INTS7: variants seen among roughly 807,000 people sequenced by gnomAD.
The protein encoded by INTS7 is integrator complex subunit 7, also known as chromosome 1 open reading frame 73.
Under a neutral mutation model 109.2 loss-of-function variants are expected in INTS7, and 46 were observed. That is an observed-to-expected ratio of 0.42 (90% confidence interval 0.33 to 0.54). INTS7 has a LOEUF of 0.54. Among genes scored for constraint, INTS7 ranks in the 20% least tolerant of loss-of-function variants. INTS7 has a pLI of 0.07. For missense variants in INTS7, 929 were observed against 1,132.4 expected, an observed-to-expected ratio of 0.82 and a Z score of 2.58; for synonymous variants, 412 against 402.9, an observed-to-expected ratio of 1.02 and a Z score of -0.27.
intron 13 of INTS7, among the ~76,000 whole-genome samples, chr1:211,969,153 C>T (rs186486301): frequency 4.3e-4 from 65 of 151,848 alleles, no homozygotes; most frequent in Non-Finnish European, 8.0e-4. Context: ...GGCGTTGTGG[C>T]GGGTGCCTGT....
chr1:212,024,658 A>G (rs1196595023), intron 1 of INTS7, among the ~76,000 whole-genome samples: 12 of 152,264 alleles, frequency 7.9e-5, no homozygotes, highest in Admixed American at 7.8e-4. Context: ...TGGTATATCC[A>G]TACAATGAAC....
At chr1:211,945,958 A>T (rs1026487267) in intron 18 of INTS7, among the ~76,000 whole-genome samples, 1 of 152,224 alleles carries the variant, frequency 6.6e-6, no homozygotes, top group Non-Finnish European at 1.5e-5. Flanking sequence ...AGTTGGGTCT[A>T]TAAGTTGGGT....
Position 211,978,517 on chromosome 1 carries a change from C to A in INTS7, c.1231-6G>T, listed in dbSNP as rs376632821. ...ACCATACAGTTTAGAGCAATCTGCA[C>A]GCCAAAAAGAAAATGAACTAGTTAC... On this transcript the variant is annotated splice_polypyrimidine_tract_variant and splice_region_variant and intron_variant, in intron 10 of 19. Transcript: ENST00000366994. 6.2e-7 allele frequency: 1 copy of A among 1,613,414 alleles called. No individual in the cohort carries two copies. The highest frequency in any genetic ancestry group is 8.5e-7 in the Non-Finnish European group (1 of 1,179,664).
chr1:211,967,590 T>C (rs1279915311), intron 15 of INTS7, among the ~76,000 whole-genome samples: 1 of 152,160 alleles, frequency 6.6e-6, no homozygotes, highest in Non-Finnish European at 1.5e-5. Context: ...TGTTGTGTTG[T>C]CTGTTGTAGC....
chr1:211,978,140 T>C, intron 11 of INTS7, 132 bp downstream of exon 11: 1 of 1,031,410 alleles, frequency 9.7e-7, no homozygotes, highest in South Asian at 1.5e-5. Flanking sequence ...CACTCTTTGG[T>C]CTTAGGTAAT....
At position 211,944,831 on chromosome 1, in the gene INTS7, G is replaced by A. The variant is rs773335749; in HGVS notation, c.2554C>T (p.Leu852=). The A allele has an allele frequency of 6.2e-7, 1 of 1,614,102 alleles. No individual in the cohort carries two copies. The highest frequency in any genetic ancestry group is 2.2e-5 in the East Asian group (1 of 44,884). Residue 852 remains leucine, a synonymous_variant, in exon 19 of 20, where the codon CTG becomes TTG. Transcript: ENST00000366994. ...CTCTGCAGTGTGGAAGAAACATTCA[G>A]ACAGACAGACTGAATTTTGCGGAAG... is the stretch of plus-strand genomic sequence containing the variant. The part of the protein sequence containing the change: ...GLFRKIQSVC[L]NVSSTLQSKS...
chr1:211,987,734 A>C (rs1032813659), intron 8 of INTS7, 152 bp downstream of exon 8: 6 of 430,036 alleles, frequency 1.4e-5, no homozygotes, highest in Non-Finnish European at 2.1e-5. Flanking sequence ...GCATTAGTTA[A>C]GAAATCATGT....
intron 18 of INTS7, among the ~76,000 whole-genome samples, chr1:211,945,975 A>AAGTTGG (rs1662829378): frequency 6.6e-6 from 1 of 152,248 alleles, no homozygotes; most frequent in South Asian, 2.1e-4. Context: ...GGGTCTGAAT[A>AAGTTGG]GACTCAGCTC....
rs749976973 is a variant in INTS7 at position 211,978,412 on chromosome 1, C to T, written c.1330G>A (p.Ala444Thr). The change falls in exon 11 of 20, where the codon GCT (alanine) becomes ACT (threonine). Residue 444 changes from alanine (A) to threonine (T), a missense_variant. Ala to Thr is a moderately conservative substitution (Grantham distance 58). Transcript: ENST00000366994. ...CAATGGCACATCAAAATCCGGGCAG[C>T]GTCTTGAGCACTGTGCAATTGAGTC... is the stretch of plus-strand genomic sequence containing the variant. ...LLTQLHSAQD[A>T]ARILMCHCLA... The T allele has an allele frequency of 1.2e-5, 19 of 1,614,072 alleles. No individual in the cohort carries two copies. Among genetic ancestry groups the T allele is most frequent in the African/African-American group, 9.3e-5 (7 of 74,936 alleles).
intron 1 of INTS7, among the ~76,000 whole-genome samples, chr1:212,032,678 A>C (rs1002642759): frequency 6.6e-6 from 1 of 151,864 alleles, no homozygotes; most frequent in Non-Finnish European, 1.5e-5. Context: ...ACAGGGTTTC[A>C]CCATGTTAGC....
chr1:211,949,818 T>C (rs1465633892), intron 17 of INTS7, among the ~76,000 whole-genome samples: 1 of 152,218 alleles, frequency 6.6e-6, no homozygotes, highest in Non-Finnish European at 1.5e-5. Context: ...TCTGATTTCA[T>C]CTCTCTAATC....
intron 16 of INTS7, among the ~76,000 whole-genome samples, chr1:211,964,375 T>G (rs1445812303): frequency 6.6e-6 from 1 of 152,152 alleles, no homozygotes; most frequent in Non-Finnish European, 1.5e-5. Context: ...AAATCAATAT[T>G]GTTAAAATGG....
Position 211,952,685 on chromosome 1 carries a change from A to T in INTS7, c.2200T>A (p.Ser734Thr), listed in dbSNP as rs1663155217. 4 of 1,612,220 alleles carry T rather than the reference A, an allele frequency of 2.5e-6. No individual in the cohort carries two copies. Among genetic ancestry groups the T allele is most frequent in the Non-Finnish European group, 3.4e-6 (4 of 1,178,910 alleles). Residue 734 changes from serine (S) to threonine (T), a missense_variant, in exon 17 of 20, where the codon TCT (serine) becomes ACT (threonine). Around this residue, in one of 2 missense-constraint regions of INTS7, gnomAD observed 787 missense variants for 901.1 expected, o/e 0.87. Transcript: ENST00000366994. ...PESASFQEYGSTGTAHADSEY... is the reference protein window; with the variant it reads ...PESASFQEYGTTGTAHADSEY... ...CTATCAGCATGGGCTGTTCCAGTAG[A>T]TCCATATTCCTGGAAACTGAAGTAA...
chr1:212,005,232 G>T (rs887354385), intron 7 of INTS7, among the ~76,000 whole-genome samples: 4 of 152,092 alleles, frequency 2.6e-5, no homozygotes, highest in Non-Finnish European at 4.4e-5. Flanking sequence ...CTGAGCAAAA[G>T]AAACAAAAAC....
intron 13 of INTS7, 95 bp downstream of exon 13, chr1:211,975,071 T>C: frequency 1.3e-6 from 1 of 793,826 alleles, no homozygotes; most frequent in Non-Finnish European, 2.1e-6. Context: ...TATCAGCAGG[T>C]TTCTCAAGTT....
At chr1:211,980,143 C>G (rs186319695) in intron 10 of INTS7, among the ~76,000 whole-genome samples, 1 of 152,202 alleles carries the variant, frequency 6.6e-6, no homozygotes, top group Admixed American at 6.5e-5. Context: ...TGAGGATCCC[C>G]CTCAGAATGT....
At chr1:212,030,393 A>G (rs1667105070) in intron 1 of INTS7, among the ~76,000 whole-genome samples, 1 of 150,804 alleles carries the variant, frequency 6.6e-6, no homozygotes, top group Non-Finnish European at 1.5e-5. Flanking sequence ...GGTTCAAGTG[A>G]CTCTCCTGTC....
chr1:211,982,675 C>G lies in INTS7; in HGVS notation c.1132+1G>C. On this transcript the variant is annotated splice_donor_variant, in intron 9 of 19. Coordinates refer to ENST00000366994, the MANE Select transcript of INTS7 (RefSeq NM_015434.4). LOFTEE classifies it high-confidence loss of function. Reference sequence around the variant, plus strand: ...GTAATATCAGTCCTGATCAAACTTACCCTTTTCTTGACAAGAAACAGTTAT... The same window carrying G: ...GTAATATCAGTCCTGATCAAACTTAGCCTTTTCTTGACAAGAAACAGTTAT... The G allele has an allele frequency of 6.3e-7, 1 of 1,599,936 alleles. No homozygotes were observed. Among genetic ancestry groups the G allele is most frequent in the Non-Finnish European group, 8.5e-7 (1 of 1,173,346 alleles).
chr1:211,941,174 T>G lies in INTS7; in HGVS notation c.*650A>C, dbSNP rs1662608304. 1 of 152,266 alleles carries G rather than the reference T, an allele frequency of 6.6e-6. No individual in the cohort carries two copies. Among genetic ancestry groups the G allele is most frequent in the Non-Finnish European group, 1.5e-5 (1 of 68,224 alleles). 9.4% of individuals were successfully genotyped at this position (152,266 alleles called of 1,614,324 possible). On this transcript the variant is annotated 3_prime_UTR_variant, in exon 20 of 20. Coordinates refer to ENST00000366994, the MANE Select transcript of INTS7 (RefSeq NM_015434.4). ...TGGTCAGAACCTCCCAATGAACAAC[T>G]CAGAATCCTAGGTCTAAGTCAGGCA...
Sources: allele counts gnomAD v4.1 joint callset (sites outside exome capture counted in the v4.1 genomes callset), GRCh38; gene constraint gnomAD v4.1.1; regional missense constraint gnomAD v4.1.1; transcripts MANE v1.5; gene names NCBI Gene and HGNC (gene_info 2026-07-23, HGNC 2026-07-21).